FAM110B: variants seen among roughly 807,000 people sequenced by gnomAD.
FAM110B encodes the protein family with sequence similarity 110 member B, also known as protein FAM110B.
FAM110B carries 6 observed loss-of-function variants against 20.4 expected under a neutral mutation model. The ratio of observed to expected loss-of-function variants is 0.29; its 90% CI spans 0.16 to 0.58. The LOEUF (loss-of-function observed/expected upper bound fraction) is 0.58. FAM110B is among the 20% of genes least tolerant of loss of function. The probability of loss-of-function intolerance (pLI) is 0.90; values close to 1 mark genes in which losing one functional copy is unlikely to be tolerated. For synonymous variants in FAM110B, 226 were observed against 214.1 expected (o/e 1.06, Z -0.49); for missense variants, 434 against 498.2 (o/e 0.87, Z 1.23).
chr8:58,080,059 A>G lies in FAM110B; in HGVS notation c.-325+4436A>G, dbSNP rs959253729. On this transcript the variant is annotated intron_variant, in intron 3 of 3. Coordinates refer to ENST00000519262, the MANE Select transcript of FAM110B (RefSeq NM_001377989.1). ...AGAAGCATTAGAATCTTCAGTATGTAGATATGGGATATATGTAATATGGGT... is the reference window on the plus strand; with the variant it reads ...AGAAGCATTAGAATCTTCAGTATGTGGATATGGGATATATGTAATATGGGT... Among the ~76,000 whole-genome samples the G allele has an allele frequency of 4.6e-5, 7 of 152,324 alleles. No homozygotes were observed. In the Middle Eastern group the frequency reaches 0.01, roughly 222 times the overall value.
intron 1 of FAM110B, among the ~76,000 whole-genome samples, chr8:58,005,838 C>T (rs950932286): frequency 1.3e-5 from 2 of 152,202 alleles, no homozygotes; most frequent in African/African-American, 4.8e-5. Context: ...ATTTACTCTT[C>T]AGATTTTGAC....
chr8:58,122,197 A>G lies in FAM110B; in HGVS notation c.-324-23710A>G, dbSNP rs1043537160. 2.6e-5 allele frequency among the ~76,000 whole-genome samples: 4 copies of G among 152,224 alleles called. No individual in the cohort carries two copies. The East Asian group carries it at 7.7e-4, about 29-fold the overall frequency. ...ATTAAATGCTCTTTTTAAGTACAGC[A>G]CCATTTTGGTTCCTGAATGTGCCCA... is the stretch of plus-strand genomic sequence containing the variant. On this transcript the variant is annotated intron_variant, in intron 3 of 3. Coordinates refer to ENST00000519262, the MANE Select transcript of FAM110B (RefSeq NM_001377989.1).
intron 1 of FAM110B, among the ~76,000 whole-genome samples, chr8:58,020,636 A>T (rs1460270415): frequency 6.6e-6 from 1 of 152,244 alleles, no homozygotes; most frequent in Non-Finnish European, 1.5e-5. Context: ...TGTTGGATTA[A>T]AAGATTGAAT....
intron 2 of FAM110B, among the ~76,000 whole-genome samples, chr8:58,041,197 C>T (rs2150576743): frequency 6.6e-6 from 1 of 152,214 alleles, no homozygotes; most frequent in African/African-American, 2.4e-5. Flanking sequence ...ACCTCAGCCT[C>T]CCAAAGTGCT....
Position 58,147,385 on chromosome 8 carries a change from C to G in FAM110B, c.*42C>G, listed in dbSNP as rs752109876. 2 of 1,580,966 alleles carry G rather than the reference C, an allele frequency of 1.3e-6. No individual in the cohort carries two copies. Among genetic ancestry groups the G allele is most frequent in the South Asian group, 1.2e-5 (1 of 84,178 alleles). ...GAGGGAGCGTGGGTCTCTGTGCTTA[C>G]GCAGTTGTGAAGGTTGTGAGGTCTC... is the stretch of plus-strand genomic sequence containing the variant. On this transcript the variant is annotated 3_prime_UTR_variant, in exon 4 of 4. Transcript: ENST00000519262.
At chr8:58,109,515 G>A (rs1022938253) in intron 3 of FAM110B, among the ~76,000 whole-genome samples, 1 of 152,146 alleles carries the variant, frequency 6.6e-6, no homozygotes, top group Non-Finnish European at 1.5e-5. Context: ...TACTGATCCT[G>A]CACAAGTTTT....
chr8:58,079,999 G>A (rs112014338), intron 3 of FAM110B, among the ~76,000 whole-genome samples: 41 of 152,310 alleles, frequency 2.7e-4, no homozygotes, highest in Non-Finnish European at 5.6e-4. Flanking sequence ...GCCCTGTGCT[G>A]GAGACGTTAT....
At chr8:57,995,544 G>A (rs1005809695) in intron 1 of FAM110B, among the ~76,000 whole-genome samples, 1 of 152,184 alleles carries the variant, frequency 6.6e-6, no homozygotes, top group African/African-American at 2.4e-5. Flanking sequence ...GTGGGAAGCC[G>A]CGATGCCTGC....
At chr8:58,119,766 A>G (rs1250440904) in intron 3 of FAM110B, among the ~76,000 whole-genome samples, 2 of 152,210 alleles carry the variant, frequency 1.3e-5, no homozygotes, top group Admixed American at 1.3e-4. Context: ...GAAAGAGAGT[A>G]TATGACCACT....
At position 58,148,258 on chromosome 8, in the gene FAM110B, G is replaced by A. The variant is rs1803918207; in HGVS notation, c.*915G>A. On this transcript the variant is annotated 3_prime_UTR_variant, in exon 4 of 4. Transcript: ENST00000519262. ...TTGTTATTTGATTTGGGGGAAGGGA[G>A]TGAGGCTTGTGCAGATTTGAGCTAT... is the stretch of plus-strand genomic sequence containing the variant. The A allele has an allele frequency of 6.1e-6, 1 of 164,988 alleles. No individual in the cohort carries two copies. 10.2% of individuals were successfully genotyped at this position (164,988 alleles called of 1,614,324 possible). A position where few individuals can be genotyped will look rare whatever the true frequency, so the allele number is the denominator to read the frequency against.
At chr8:58,012,606 C>T (rs761643885) in intron 1 of FAM110B, among the ~76,000 whole-genome samples, 10 of 152,090 alleles carry the variant, frequency 6.6e-5, no homozygotes, top group Non-Finnish European at 8.8e-5. Context: ...GGTTCTGGGC[C>T]ATGAAAATGG....
Position 58,148,732 on chromosome 8 carries a change from T to C in FAM110B, c.*1389T>C, listed in dbSNP as rs1268544582. ...TGTACATACTTCAGTTGTTATGAAA[T>C]CTTTAAAGAAAAAAAGAAAAAGTTA... On this transcript the variant is annotated 3_prime_UTR_variant, in exon 4 of 4. Transcript: ENST00000519262. 6.0e-6 allele frequency: 1 copy of C among 167,102 alleles called. No individual in the cohort carries two copies. Among genetic ancestry groups the C allele is most frequent in the Non-Finnish European group, 1.5e-5 (1 of 68,130 alleles). 10.4% of individuals were successfully genotyped at this position (167,102 alleles called of 1,614,324 possible). A position where few individuals can be genotyped will look rare whatever the true frequency, so the allele number is the denominator to read the frequency against.
At chr8:58,094,689 G>A (rs1806574991) in intron 3 of FAM110B, among the ~76,000 whole-genome samples, 1 of 152,184 alleles carries the variant, frequency 6.6e-6, no homozygotes, top group Non-Finnish European at 1.5e-5. Flanking sequence ...ATGTTCGTCA[G>A]GGATATTGGC....
chr8:58,058,509 TA>T (rs372674082), intron 2 of FAM110B, among the ~76,000 whole-genome samples: 1 of 152,288 alleles, frequency 6.6e-6, no homozygotes, highest in African/African-American at 2.4e-5. Context: ...AAGTCAATGT[TA>T]ACAGTGATTA....
At chr8:58,137,536 G>T (rs1217874433) in intron 3 of FAM110B, among the ~76,000 whole-genome samples, 1 of 152,048 alleles carries the variant, frequency 6.6e-6, no homozygotes, top group Non-Finnish European at 1.5e-5. Context: ...CTCCAGCCTG[G>T]GCAACACAGT....
At chr8:58,032,851 C>A (rs554507205) in intron 2 of FAM110B, among the ~76,000 whole-genome samples, 8 of 152,268 alleles carry the variant, frequency 5.3e-5, no homozygotes, top group African/African-American at 1.7e-4. Context: ...AAGCTGAGAA[C>A]TTCTGTGGTA....
At chr8:58,053,384 C>T (rs1001808823) in intron 2 of FAM110B, among the ~76,000 whole-genome samples, 2 of 152,150 alleles carry the variant, frequency 1.3e-5, no homozygotes, top group Non-Finnish European at 2.9e-5. Context: ...AATGCTGACT[C>T]CTGAGTTTCT....
intron 3 of FAM110B, among the ~76,000 whole-genome samples, chr8:58,102,873 A>T (rs1806813245): frequency 6.6e-6 from 1 of 152,138 alleles, no homozygotes; most frequent in Admixed American, 6.5e-5. Flanking sequence ...ATGGATACTG[A>T]TCAGTTACTC....
chr8:58,030,851 CT>C (rs1205468779), intron 1 of FAM110B, among the ~76,000 whole-genome samples: 1 of 152,202 alleles, frequency 6.6e-6, no homozygotes, highest in Non-Finnish European at 1.5e-5. Context: ...ATAACCATCA[CT>C]TTCATGACTC....
Sources: allele counts gnomAD v4.1 joint callset (sites outside exome capture counted in the v4.1 genomes callset), GRCh38; gene constraint gnomAD v4.1.1; transcripts MANE v1.5; gene names NCBI Gene and HGNC (gene_info 2026-07-23, HGNC 2026-07-21).